The following CSMD1 variants were observed in gnomAD, a reference collection of about 807,000 sequenced individuals.
The protein encoded by CSMD1 is CUB and sushi domain-containing protein 1.
A neutral mutation model predicts 417.5 loss-of-function variants in CSMD1; 213 were observed. That is an observed-to-expected ratio of 0.51 (90% CI 0.46 to 0.57). The LOEUF is 0.57. Ranked by LOEUF, CSMD1 falls within the 20% of genes least tolerant of loss-of-function variation. CSMD1 has a pLI of 0.00. For synonymous variants in CSMD1, 2,862 were observed against 1,736.8 expected (o/e 1.65, Z -16.11); for missense variants, 6,923 against 4,529.7 (o/e 1.53, Z -15.17).
At chr8:3,501,830 G>C (rs927262737) in intron 10 of CSMD1, among the ~76,000 whole-genome samples, 2 of 152,136 alleles carry the variant, frequency 1.3e-5, no homozygotes, top group Non-Finnish European at 2.9e-5. Context: ...TTTCACCTGA[G>C]GTTGTAAGGG....
At chr8:4,029,462 C>T (rs80001849) in intron 4 of CSMD1, among the ~76,000 whole-genome samples, 2 of 152,106 alleles carry the variant, frequency 1.3e-5, no homozygotes, top group East Asian at 3.9e-4. Context: ...TCAGCCTGTG[C>T]AGAGAAACAC....
chr8:4,678,715 C>G (rs1471436014), intron 1 of CSMD1, among the ~76,000 whole-genome samples: 1 of 152,110 alleles, frequency 6.6e-6, no homozygotes, highest in Admixed American at 6.5e-5. Context: ...TTCAAGGACC[C>G]TGTTGTTAAA....
At chr8:4,667,105 A>T (rs1328550564) in intron 1 of CSMD1, among the ~76,000 whole-genome samples, 3 of 152,332 alleles carry the variant, frequency 2.0e-5, no homozygotes, top group East Asian at 3.9e-4. Flanking sequence ...TGGTGAAAAG[A>T]CTATTTTTTC....
intron 2 of CSMD1, among the ~76,000 whole-genome samples, chr8:4,572,351 G>A (rs1034735925): frequency 3.3e-5 from 5 of 152,152 alleles, no homozygotes; most frequent in African/African-American, 9.7e-5. Context: ...TTCTATGGAG[G>A]ATTTTATTTC....
At chr8:3,995,548 A>G (rs1815144402) in intron 5 of CSMD1, among the ~76,000 whole-genome samples, 1 of 152,218 alleles carries the variant, frequency 6.6e-6, no homozygotes, top group Non-Finnish European at 1.5e-5. Context: ...CTGAGGGGCT[A>G]TACATAGAGA....
At chr8:4,590,530 T>G (rs1183691676) in intron 2 of CSMD1, among the ~76,000 whole-genome samples, 1 of 152,090 alleles carries the variant, frequency 6.6e-6, no homozygotes, top group East Asian at 1.9e-4. Context: ...GCATAATACC[T>G]GGAATTATGA....
chr8:3,054,296 A>C (rs1244721958), intron 49 of CSMD1, among the ~76,000 whole-genome samples: 2 of 152,216 alleles, frequency 1.3e-5, no homozygotes, highest in Non-Finnish European at 2.9e-5. Context: ...CTCATGTTTA[A>C]ATGGATGATC....
At chr8:4,207,989 G>C (rs1306908258) in intron 3 of CSMD1, among the ~76,000 whole-genome samples, 1 of 152,090 alleles carries the variant, frequency 6.6e-6, no homozygotes, top group East Asian at 1.9e-4. Flanking sequence ...AAATAGTTAA[G>C]CAGAGAAAAG....
At chr8:3,198,470 G>A (rs184712884) in intron 33 of CSMD1, among the ~76,000 whole-genome samples, 1 of 152,102 alleles carries the variant, frequency 6.6e-6, no homozygotes, top group Admixed American at 6.5e-5. Context: ...AAAACTACTG[G>A]GTAATTATTT....
At chr8:3,380,523 A>G (rs1810566208) in intron 18 of CSMD1, among the ~76,000 whole-genome samples, 1 of 152,204 alleles carries the variant, frequency 6.6e-6, no homozygotes, top group Non-Finnish European at 1.5e-5. Context: ...GATAAAGACA[A>G]TGTGGCACAT....
chr8:3,412,899 C>G (rs1278881299), intron 12 of CSMD1, among the ~76,000 whole-genome samples: 1 of 152,182 alleles, frequency 6.6e-6, no homozygotes, highest in Non-Finnish European at 1.5e-5. Context: ...GAAAAGAGCT[C>G]TTGTTTGTTG....
At chr8:2,993,093 G>A (rs1029441143) in intron 54 of CSMD1, among the ~76,000 whole-genome samples, 1 of 152,112 alleles carries the variant, frequency 6.6e-6, no homozygotes. Context: ...ATCATGTGTT[G>A]GAGCTTCATC....
chr8:3,042,377 A>G (rs1481130788), intron 50 of CSMD1, among the ~76,000 whole-genome samples: 1 of 152,004 alleles, frequency 6.6e-6, no homozygotes, highest in Non-Finnish European at 1.5e-5. Flanking sequence ...GTGGATATGT[A>G]CCTCCTATCT....
At chr8:4,268,200 G>C (rs186896149) in intron 3 of CSMD1, among the ~76,000 whole-genome samples, 2 of 152,058 alleles carry the variant, frequency 1.3e-5, no homozygotes, top group Non-Finnish European at 2.9e-5. Flanking sequence ...CACCATAAAG[G>C]ATTATCATCC....
At chr8:3,383,938 C>G (rs1201827466) in intron 18 of CSMD1, among the ~76,000 whole-genome samples, 1 of 152,158 alleles carries the variant, frequency 6.6e-6, no homozygotes, top group Non-Finnish European at 1.5e-5. Context: ...ATGGACCCCA[C>G]AGACTTAAGG....
chr8:3,294,636 C>G (rs572322350), intron 25 of CSMD1, among the ~76,000 whole-genome samples: 55 of 152,288 alleles, frequency 3.6e-4, no homozygotes, highest in African/African-American at 1.3e-3. Context: ...GGGATATAAT[C>G]TCCTGGTGTG....
intron 26 of CSMD1, among the ~76,000 whole-genome samples, chr8:3,254,590 A>C (rs1471012444): frequency 1.3e-5 from 2 of 151,918 alleles, no homozygotes; most frequent in Non-Finnish European, 2.9e-5. Context: ...TTTTTTCTCT[A>C]AACTTCTCTT....
At chr8:3,865,024 A>C (rs1190968745) in intron 5 of CSMD1, among the ~76,000 whole-genome samples, 1 of 152,076 alleles carries the variant, frequency 6.6e-6, no homozygotes, top group Non-Finnish European at 1.5e-5. Context: ...TAATCTCCTA[A>C]TTTGTCAAGT....
chr8:3,480,900 T>C (rs1038761993), intron 11 of CSMD1, among the ~76,000 whole-genome samples: 4 of 151,988 alleles, frequency 2.6e-5, no homozygotes, highest in African/African-American at 9.7e-5. Context: ...CTCACGCCTG[T>C]AATCCCAGCA....
Sources: allele counts gnomAD v4.1 joint callset (sites outside exome capture counted in the v4.1 genomes callset), GRCh38; gene constraint gnomAD v4.1.1; transcripts MANE v1.5; gene names NCBI Gene and HGNC (gene_info 2026-07-23, HGNC 2026-07-21).